Variants in NELL1 observed in about 807,000 individuals in gnomAD.
The protein encoded by NELL1 is protein kinase C-binding protein NELL1.
A neutral mutation model predicts 107.4 loss-of-function variants in NELL1; 76 were observed. That is an observed-to-expected ratio of 0.71 (90% CI 0.59 to 0.86). NELL1 has a LOEUF of 0.86. Ranked by LOEUF, NELL1 falls within the 40% of genes least tolerant of loss-of-function variation. NELL1 has a pLI of 0.00. For missense variants in NELL1, 1,024 were observed against 1,005.5 expected (o/e 1.02, Z -0.25); for synonymous variants, 353 against 341.2 (o/e 1.03, Z -0.38).
intron 12 of NELL1, among the ~76,000 whole-genome samples, chr11:21,103,019 A>G (rs1403744502): frequency 7.9e-5 from 12 of 152,216 alleles, no homozygotes; most frequent in Admixed American, 3.9e-4. Context: ...CTACATGGCG[A>G]AATACATGAA....
intron 15 of NELL1, among the ~76,000 whole-genome samples, chr11:21,406,382 G>T (rs973039426): frequency 6.8e-6 from 1 of 147,012 alleles, no homozygotes; most frequent in African/African-American, 2.5e-5. Flanking sequence ...TTGAGGGATT[G>T]CTTTTCCTGA....
chr11:21,408,988 G>A (rs201222720), intron 15 of NELL1, among the ~76,000 whole-genome samples: 24 of 150,916 alleles, frequency 1.6e-4, no homozygotes, highest in South Asian at 2.1e-4. Context: ...TGGTGGGACT[G>A]CAAACTAGTT....
intron 14 of NELL1, among the ~76,000 whole-genome samples, chr11:21,291,892 ACT>A (rs1849272946): frequency 6.6e-6 from 1 of 152,064 alleles, no homozygotes; most frequent in Non-Finnish European, 1.5e-5. Flanking sequence ...CATGCTAAAA[ACT>A]CTCAATAAAC....
intron 14 of NELL1, among the ~76,000 whole-genome samples, chr11:21,336,655 A>G (rs76920205): frequency 0.19 from 17,051 of 90,376 alleles, 1,306 homozygotes; most frequent in Non-Finnish European, 0.27. Flanking sequence ...GTGTGTGTAT[A>G]TATATATATA....
intron 15 of NELL1, among the ~76,000 whole-genome samples, chr11:21,489,001 G>A (rs1009016418): frequency 4.0e-5 from 6 of 151,432 alleles, no homozygotes; most frequent in African/African-American, 9.7e-5. Flanking sequence ...TGAATAGCTC[G>A]TTCTTTAAAA....
At chr11:20,786,068 A>T (rs1856948833) in intron 3 of NELL1, among the ~76,000 whole-genome samples, 1 of 149,004 alleles carries the variant, frequency 6.7e-6, no homozygotes, top group Non-Finnish European at 1.5e-5. Context: ...AAGGGAGAAG[A>T]GGCTGGGCAC....
At chr11:21,573,751 A>T (rs1187586233) in intron 19 of NELL1, among the ~76,000 whole-genome samples, 2 of 149,280 alleles carry the variant, frequency 1.3e-5, no homozygotes, top group Admixed American at 6.6e-5. Flanking sequence ...AAGGAAGGGA[A>T]GTAGAAAGAA....
chr11:21,422,092 C>CGTGTGTGT (rs1564886248), intron 15 of NELL1, among the ~76,000 whole-genome samples: 10 of 49,978 alleles, frequency 2.0e-4, no homozygotes, highest in African/African-American at 4.0e-4. Flanking sequence ...GACATTTACA[C>CGTGTGTGT]ATATGTGTGT....
At chr11:20,700,438 C>T (rs925953409) in intron 2 of NELL1, among the ~76,000 whole-genome samples, 3 of 151,858 alleles carry the variant, frequency 2.0e-5, no homozygotes, top group Admixed American at 2.0e-4. Flanking sequence ...AAGGTAGTGC[C>T]ACTGCATTCC....
At chr11:20,849,157 T>C (rs984398) in intron 4 of NELL1, among the ~76,000 whole-genome samples, 120,492 of 152,122 alleles carry the variant, frequency 0.79, 49,726 homozygotes, top group Non-Finnish European at 0.93. Context: ...ACATGCTGTC[T>C]AAATGGGATT....
At chr11:21,503,513 G>C (rs1855203019) in intron 15 of NELL1, among the ~76,000 whole-genome samples, 1 of 152,134 alleles carries the variant, frequency 6.6e-6, no homozygotes, top group South Asian at 2.1e-4. Context: ...CTATCTATGT[G>C]AGCCTCAATT....
chr11:21,182,676 G>A (rs1261736816), intron 13 of NELL1, among the ~76,000 whole-genome samples: 1 of 151,720 alleles, frequency 6.6e-6, no homozygotes, highest in African/African-American at 2.4e-5. Context: ...ACAGGAGGAA[G>A]AGGTTGGAAT....
chr11:20,696,822 G>T (rs892133770), intron 2 of NELL1, among the ~76,000 whole-genome samples: 7 of 152,114 alleles, frequency 4.6e-5, no homozygotes, highest in African/African-American at 1.7e-4. Flanking sequence ...ACCAGAATAA[G>T]TCTAGTACTG....
intron 1 of NELL1, chr11:20,674,577 G>T: frequency 6.7e-7 from 1 of 1,485,524 alleles, no homozygotes; most frequent in East Asian, 2.5e-5. Context: ...AGGGAGGCAG[G>T]TATTAACGTT....
At chr11:21,287,012 T>C (rs933359966) in intron 14 of NELL1, among the ~76,000 whole-genome samples, 6 of 152,254 alleles carry the variant, frequency 3.9e-5, no homozygotes, top group African/African-American at 7.2e-5. Context: ...TTGTTGTGCC[T>C]ATAAGTGCTT....
chr11:20,872,088 CCT>C lies in NELL1; in HGVS notation c.507-13355_507-13354del, dbSNP rs1275817183. On this transcript the variant is annotated intron_variant, in intron 4 of 19. Coordinates refer to ENST00000357134, the MANE Select transcript of NELL1 (RefSeq NM_006157.5). ...ATCATAGGCTTGCTTGGAGCTATAT[CCT>C]GTGGCTGGGGCAGGAGCTCCCAGCC... is the stretch of plus-strand genomic sequence containing the variant. 2.7e-5 allele frequency among the ~76,000 whole-genome samples: 4 copies of C among 149,098 alleles called. No individual in the cohort carries two copies. The East Asian group carries it at 8.0e-4, about 30-fold the overall frequency.
chr11:21,456,505 G>C (rs1381641594), intron 15 of NELL1, among the ~76,000 whole-genome samples: 1 of 151,728 alleles, frequency 6.6e-6, no homozygotes, highest in Non-Finnish European at 1.5e-5. Flanking sequence ...AAATTGTTGG[G>C]GATTTTATTA....
intron 2 of NELL1, among the ~76,000 whole-genome samples, chr11:20,688,041 T>C (rs945306833): frequency 1.3e-4 from 19 of 151,534 alleles, no homozygotes; most frequent in Non-Finnish European, 2.8e-4. Flanking sequence ...AGATTTTTTT[T>C]CCTGTTTAAT....
At chr11:20,935,089 A>G (rs1040327019) in intron 9 of NELL1, among the ~76,000 whole-genome samples, 1 of 152,182 alleles carries the variant, frequency 6.6e-6, no homozygotes, top group African/African-American at 2.4e-5. Flanking sequence ...ATTACTCTCA[A>G]TAAATCCTAA....
Sources: allele counts gnomAD v4.1 joint callset (sites outside exome capture counted in the v4.1 genomes callset), GRCh38; gene constraint gnomAD v4.1.1; transcripts MANE v1.5; gene names NCBI Gene and HGNC (gene_info 2026-07-23, HGNC 2026-07-21).